EPB41L3: variants seen among roughly 807,000 people sequenced by gnomAD.
EPB41L3 encodes erythrocyte membrane protein band 4.1 like 3, also known as band 4.1-like protein 3.
Under a neutral mutation model 127.1 loss-of-function variants are expected in EPB41L3, and 57 were observed. That is an observed-to-expected ratio of 0.45 (90% CI 0.36 to 0.56). The LOEUF is 0.56. Among genes scored for constraint, EPB41L3 ranks in the 20% least tolerant of loss-of-function variants. The pLI, the probability that EPB41L3 is intolerant of heterozygous loss-of-function variation, is 0.00. For synonymous variants in EPB41L3, 572 were observed against 549.5 expected (o/e 1.04, Z -0.57); for missense variants, 1,273 against 1,372.2 (o/e 0.93, Z 1.14).
rs971438326 is a variant in EPB41L3 at position 5,615,244 on chromosome 18, C to CT, written c.-467-822dup. ...TTCTTATATTTTCCTTTTTCTTCTCCTTTTTTTTGAGAAGCATGGAGCAAG... is the reference window on the plus strand; with the variant it reads ...TTCTTATATTTTCCTTTTTCTTCTCCTTTTTTTTTGAGAAGCATGGAGCAAG... On this transcript the variant is annotated intron_variant, in intron 1 of 21. Coordinates refer to the EPB41L3 transcript ENST00000545076. Among the ~76,000 whole-genome samples, 212 of 151,668 alleles carry CT rather than the reference C, an allele frequency of 1.4e-3. 1 individual carries two copies. The highest frequency in any genetic ancestry group is 4.6e-3 in the African/African-American group (189 of 41,402).
chr18:5,576,616 C>A (rs889680809), intron 3 of EPB41L3, among the ~76,000 whole-genome samples: 2 of 152,190 alleles, frequency 1.3e-5, no homozygotes, highest in Non-Finnish European at 2.9e-5. Flanking sequence ...CAACAGAAGA[C>A]AGGCAAACCC....
intron 3 of EPB41L3, among the ~76,000 whole-genome samples, chr18:5,607,415 A>C (rs1047388650): frequency 6.6e-6 from 1 of 152,156 alleles, no homozygotes; most frequent in Non-Finnish European, 1.5e-5. Context: ...AGTTCCTTGA[A>C]AGAGGCAAGC....
At chr18:5,565,125 G>A (rs60614818) in intron 3 of EPB41L3, among the ~76,000 whole-genome samples, 1,676 of 152,108 alleles carry the variant, frequency 0.011, 30 homozygotes, top group African/African-American at 0.038. Context: ...GGCTGGCCAC[G>A]GTGGCTCGCA....
chr18:5,604,526 TCACTGCAAC>T (rs1192119028), intron 3 of EPB41L3, among the ~76,000 whole-genome samples: 1 of 152,182 alleles, frequency 6.6e-6, no homozygotes, highest in Non-Finnish European at 1.5e-5. Flanking sequence ...CAATCTTGGC[TCACTGCAAC>T]CTCCGCCTTC....
intron 3 of EPB41L3, among the ~76,000 whole-genome samples, chr18:5,582,213 C>A (rs558263971): frequency 6.6e-6 from 1 of 152,106 alleles, no homozygotes; most frequent in Non-Finnish European, 1.5e-5. Flanking sequence ...CTGGTCACTC[C>A]GTTTTGCTGG....
At chr18:5,403,278 TG>T (rs2074807655) in intron 16 of EPB41L3, among the ~76,000 whole-genome samples, 1 of 152,180 alleles carries the variant, frequency 6.6e-6, no homozygotes, top group Non-Finnish European at 1.5e-5. Flanking sequence ...TTTGCTGCTT[TG>T]GGGCATCCTT....
intron 12 of EPB41L3, among the ~76,000 whole-genome samples, chr18:5,417,873 G>T (rs985254651): frequency 6.6e-6 from 1 of 152,100 alleles, no homozygotes; most frequent in African/African-American, 2.4e-5. Flanking sequence ...ATTAACTTCT[G>T]CATGAAGACA....
intron 3 of EPB41L3, among the ~76,000 whole-genome samples, chr18:5,472,015 A>G (rs1254664290): frequency 6.6e-6 from 1 of 152,152 alleles, no homozygotes. Context: ...ATGATGAAAT[A>G]GGACTCCTAC....
chr18:5,583,079 C>T (rs145440575), intron 3 of EPB41L3, among the ~76,000 whole-genome samples: 11 of 152,302 alleles, frequency 7.2e-5, no homozygotes, highest in African/African-American at 2.6e-4. Flanking sequence ...TTCTGAGACG[C>T]AGCTGAAGAG....
At chr18:5,395,993 C>A (rs2073368322) in intron 19 of EPB41L3, among the ~76,000 whole-genome samples, 1 of 152,166 alleles carries the variant, frequency 6.6e-6, no homozygotes. Flanking sequence ...TTCTACACTT[C>A]AAGACACATA....
intron 3 of EPB41L3, 143 bp from the exon 4 acceptor site, chr18:5,445,387 C>A: frequency 3.0e-6 from 2 of 667,988 alleles, no homozygotes; most frequent in South Asian, 2.1e-5. Flanking sequence ...ATTGCCATCT[C>A]CTGTTTAAGT....
At chr18:5,476,835 C>T (rs186929383) in intron 3 of EPB41L3, among the ~76,000 whole-genome samples, 16 of 152,256 alleles carry the variant, frequency 1.1e-4, no homozygotes, top group Admixed American at 7.2e-4. Context: ...TAATTGGACA[C>T]GCTGGCCTAA....
intron 1 of EPB41L3, among the ~76,000 whole-genome samples, chr18:5,620,062 T>C (rs963935818): frequency 2.0e-5 from 3 of 152,174 alleles, no homozygotes; most frequent in Admixed American, 1.3e-4. Context: ...CATTTTTTCA[T>C]GTCGAAATTG....
intron 3 of EPB41L3, among the ~76,000 whole-genome samples, chr18:5,558,244 A>G (rs952921968): frequency 4.6e-5 from 7 of 152,316 alleles, no homozygotes; most frequent in Non-Finnish European, 1.0e-4. Context: ...ATGCACTCTG[A>G]TACATTTGTT....
intron 5 of EPB41L3, among the ~76,000 whole-genome samples, chr18:5,440,420 C>G (rs926716028): frequency 2.6e-5 from 4 of 152,070 alleles, no homozygotes; most frequent in Non-Finnish European, 5.9e-5. Flanking sequence ...CAGATTAAAG[C>G]TCAAATACAT....
intron 1 of EPB41L3, among the ~76,000 whole-genome samples, chr18:5,505,454 C>T (rs2047332917): frequency 6.6e-6 from 1 of 152,008 alleles, no homozygotes; most frequent in Admixed American, 6.6e-5. Context: ...CCACCTAAAC[C>T]CCTGCCTCCC....
At chr18:5,538,216 A>G (rs2149012184) in intron 1 of EPB41L3, among the ~76,000 whole-genome samples, 1 of 152,330 alleles carries the variant, frequency 6.6e-6, no homozygotes, top group African/African-American at 2.4e-5. Flanking sequence ...AACTCTACCA[A>G]ATTGCACGTC....
intron 1 of EPB41L3, chr18:5,540,594 C>T (rs1292662662): frequency 1.0e-6 from 1 of 974,172 alleles, no homozygotes; most frequent in Non-Finnish European, 1.2e-6. Flanking sequence ...GATGAATTCC[C>T]AACAAATCAG....
intron 3 of EPB41L3, among the ~76,000 whole-genome samples, chr18:5,599,743 C>A (rs2094571276): frequency 6.6e-6 from 1 of 152,140 alleles, no homozygotes; most frequent in African/African-American, 2.4e-5. Context: ...CTCCCAGAAG[C>A]CTAGCAGAAG....
Sources: allele counts gnomAD v4.1 joint callset (sites outside exome capture counted in the v4.1 genomes callset), GRCh38; gene constraint gnomAD v4.1.1; transcripts MANE v1.5; gene names NCBI Gene and HGNC (gene_info 2026-07-23, HGNC 2026-07-21).